Variants in OTUD7B observed in about 807,000 individuals in gnomAD.
OTUD7B encodes OTU deubiquitinase 7B, also known as OTU domain-containing protein 7B.
Under a neutral mutation model 82.2 loss-of-function variants are expected in OTUD7B, and 34 were observed. The observed-to-expected ratio is 0.41, with a 90% CI of 0.31 to 0.55. The LOEUF (loss-of-function observed/expected upper bound fraction) is 0.55. OTUD7B is among the 20% of genes least tolerant of loss of function. The pLI, the probability that OTUD7B is intolerant of heterozygous loss-of-function variation, is 0.20. For missense variants in OTUD7B, 944 were observed against 1,062.1 expected (o/e 0.89, Z 1.55); for synonymous variants, 398 against 402.7 (o/e 0.99, Z 0.14).
intron 1 of OTUD7B, among the ~76,000 whole-genome samples, chr1:149,993,226 G>C (rs11205310): frequency 2.0e-5 from 3 of 152,084 alleles, no homozygotes; most frequent in Non-Finnish European, 2.9e-5. Flanking sequence ...TATTTGTAGG[G>C]AGGCAATATT....
chr1:149,967,342 C>T lies in OTUD7B; in HGVS notation c.454G>A (p.Glu152Lys). The change falls in exon 4 of 12, where the codon GAG becomes AAG. Residue 152 changes from glutamate to lysine, a missense_variant. Glu to Lys is a moderately conservative substitution (Grantham distance 56). Around this residue, in one of 3 missense-constraint regions of OTUD7B, gnomAD observed 530 missense variants for 625.6 expected, o/e 0.85. Coordinates refer to ENST00000581312, the MANE Select transcript of OTUD7B (RefSeq NM_020205.4). ...VYNEDFRSFI[E>K]RDLIEQSMLV... ...ATGGACTGCTCAATGAGGTCTCTCTCTATGAAGCTGCGGAAGTCTTCATTG... is the reference window on the plus strand; with the variant it reads ...ATGGACTGCTCAATGAGGTCTCTCTTTATGAAGCTGCGGAAGTCTTCATTG... 1 of 1,614,126 alleles carries T rather than the reference C, an allele frequency of 6.2e-7. No individual in the cohort carries two copies. Among genetic ancestry groups the T allele is most frequent in the East Asian group, 2.2e-5 (1 of 44,886 alleles).
chr1:150,062,264 T>C, the OTUD7B span, among the ~76,000 whole-genome samples: 1 of 152,354 alleles, frequency 6.6e-6, no homozygotes, highest in African/African-American at 2.4e-5. Flanking sequence ...CTCTCCAAAA[T>C]GTTATACCAA....
At chr1:149,986,537 T>C (rs945088729) in intron 1 of OTUD7B, among the ~76,000 whole-genome samples, 11 of 152,190 alleles carry the variant, frequency 7.2e-5, no homozygotes, top group Non-Finnish European at 1.5e-4. Flanking sequence ...GACCGTACAT[T>C]CTCTCATTTA....
chr1:149,991,166 T>A (rs1651546669), intron 1 of OTUD7B, among the ~76,000 whole-genome samples: 1 of 152,054 alleles, frequency 6.6e-6, no homozygotes, highest in African/African-American at 2.4e-5. Flanking sequence ...ATTTTGTTTT[T>A]TAAAATAATA....
the OTUD7B span, among the ~76,000 whole-genome samples, chr1:150,062,920 A>C: frequency 6.6e-6 from 1 of 150,832 alleles, no homozygotes; most frequent in African/African-American, 2.4e-5. Flanking sequence ...CACCATGTTG[A>C]TCAGGCTGGT....
the OTUD7B span, among the ~76,000 whole-genome samples, chr1:150,033,331 T>A: frequency 6.6e-6 from 1 of 152,180 alleles, no homozygotes; most frequent in Non-Finnish European, 1.5e-5. Context: ...AATATACATC[T>A]TTTAAATATG....
the OTUD7B span, among the ~76,000 whole-genome samples, chr1:150,051,229 CAAA>C: frequency 2.1e-5 from 2 of 97,004 alleles, no homozygotes; most frequent in African/African-American, 8.2e-5. Flanking sequence ...GACTTCGCCT[CAAA>C]AAAAAAAAAA....
intron 2 of OTUD7B, among the ~76,000 whole-genome samples, chr1:149,976,612 CAAAAAAA>C (rs1650332559): frequency 1.3e-4 from 1 of 7,482 alleles, no homozygotes; most frequent in South Asian, 2.6e-3. Flanking sequence ...ACTCCGTCTA[CAAAAAAA>C]AAAAAAAAAA....
At chr1:150,022,447 G>A in the OTUD7B span, among the ~76,000 whole-genome samples, 1 of 147,492 alleles carries the variant, frequency 6.8e-6, no homozygotes, top group Non-Finnish European at 1.5e-5. Flanking sequence ...AAGGTCTGAG[G>A]CAGCTGATCT....
At chr1:150,027,402 G>C in the OTUD7B span, among the ~76,000 whole-genome samples, 1 of 152,040 alleles carries the variant, frequency 6.6e-6, no homozygotes, top group Non-Finnish European at 1.5e-5. Context: ...CCTGGCCAAC[G>C]TGGTGACATC....
At chr1:150,017,663 C>G in the OTUD7B span, among the ~76,000 whole-genome samples, 1 of 152,168 alleles carries the variant, frequency 6.6e-6, no homozygotes, top group African/African-American at 2.4e-5. Flanking sequence ...CTGACTAGGT[C>G]AGCACTAGGA....
At chr1:149,945,237 T>G (rs1647631320) in intron 11 of OTUD7B, among the ~76,000 whole-genome samples, 172 bp from the exon 12 acceptor site, 1 of 152,126 alleles carries the variant, frequency 6.6e-6, no homozygotes, top group South Asian at 2.1e-4. Flanking sequence ...TCTGAGTGAT[T>G]GCCTAGTGAC....
At chr1:149,994,743 T>G (rs1651819155) in intron 1 of OTUD7B, among the ~76,000 whole-genome samples, 1 of 152,070 alleles carries the variant, frequency 6.6e-6, no homozygotes, top group African/African-American at 2.4e-5. Context: ...CCTGAGTAGC[T>G]AGGACTACCG....
chr1:150,029,340 T>C, the OTUD7B span, among the ~76,000 whole-genome samples: 42 of 152,300 alleles, frequency 2.8e-4, no homozygotes, highest in African/African-American at 7.9e-4. Context: ...TTAAACCCAT[T>C]GTCCAGGGTT....
In OTUD7B at chr1:149,943,558, G is replaced by T; in HGVS notation, c.*299C>A. 2 of 275,840 alleles carry T rather than the reference G, an allele frequency of 7.3e-6. No individual in the cohort carries two copies. The highest frequency in any genetic ancestry group is 6.9e-6 in the Non-Finnish European group (1 of 145,830). The allele number at this position is 275,840 out of a possible 1,614,324, so 17.1% of individuals were successfully genotyped here. ...AACCTTCCCCTGCTACTTTCTCTTAGGTCCCTGGATGGGACCCAGGAGGTT... is the reference window on the plus strand; with the variant it reads ...AACCTTCCCCTGCTACTTTCTCTTATGTCCCTGGATGGGACCCAGGAGGTT... On this transcript the variant is annotated 3_prime_UTR_variant, in exon 12 of 12. Coordinates refer to ENST00000581312, the MANE Select transcript of OTUD7B (RefSeq NM_020205.4).
chr1:149,962,301 G>C (rs1157542278), intron 6 of OTUD7B: 2 of 152,094 alleles, frequency 1.3e-5, no homozygotes, highest in African/African-American at 4.8e-5. Flanking sequence ...ATAAAACAAG[G>C]AAGCCCAGGA....
At chr1:150,013,662 C>G (rs1653166520), upstream of OTUD7B, among the ~76,000 whole-genome samples, 2 of 151,794 alleles carry the variant, frequency 1.3e-5, no homozygotes, top group African/African-American at 4.8e-5. Context: ...GTGGCTCACG[C>G]TTGTAATACC....
the OTUD7B span, among the ~76,000 whole-genome samples, chr1:150,033,898 T>C: frequency 6.6e-6 from 1 of 152,064 alleles, no homozygotes; most frequent in Non-Finnish European, 1.5e-5. Flanking sequence ...ATTTTTGTAT[T>C]TTTAGTAGAG....
At chr1:150,048,723 C>A in the OTUD7B span, among the ~76,000 whole-genome samples, 2 of 151,890 alleles carry the variant, frequency 1.3e-5, no homozygotes, top group African/African-American at 2.4e-5. Context: ...AGAAATTAAA[C>A]AAGACATACA....
Sources: allele counts gnomAD v4.1 joint callset (sites outside exome capture counted in the v4.1 genomes callset), GRCh38; gene constraint gnomAD v4.1.1; regional missense constraint gnomAD v4.1.1; transcripts MANE v1.5; gene names NCBI Gene and HGNC (gene_info 2026-07-23, HGNC 2026-07-21).